NXPH1: variants seen among roughly 807,000 people sequenced by gnomAD.
The protein encoded by NXPH1 is neurexophilin 1, also known as neurexophilin-1.
In NXPH1, 5 loss-of-function variants were observed where a neutral mutation model predicts 23.7. That is an observed-to-expected ratio of 0.21 (90% CI 0.11 to 0.44). The LOEUF (loss-of-function observed/expected upper bound fraction) is 0.44. Among genes scored for constraint, NXPH1 ranks in the 20% least tolerant of loss-of-function variants. The probability of loss-of-function intolerance (pLI) is 0.99; values close to 1 mark genes in which losing one functional copy is unlikely to be tolerated. For synonymous variants in NXPH1, 144 were observed against 122.2 expected, an observed-to-expected ratio of 1.18 and a Z score of -1.18; for missense variants, 324 against 321.6, an observed-to-expected ratio of 1.01 and a Z score of -0.06.
chr7:8,548,148 C>G (rs1818224347), intron 2 of NXPH1, among the ~76,000 whole-genome samples: 1 of 151,458 alleles, frequency 6.6e-6, no homozygotes, highest in Non-Finnish European at 1.5e-5. Context: ...ATCCTCCCAC[C>G]TTTTCAGATG....
intron 2 of NXPH1, among the ~76,000 whole-genome samples, chr7:8,576,312 T>A (rs2128622907): frequency 6.6e-6 from 1 of 152,206 alleles, no homozygotes; most frequent in South Asian, 2.1e-4. Context: ...TCCATGCCCT[T>A]TGGGGTAGGA....
chr7:8,523,638 C>T (rs1000147694), intron 2 of NXPH1, among the ~76,000 whole-genome samples: 9 of 152,048 alleles, frequency 5.9e-5, no homozygotes, highest in African/African-American at 1.7e-4. Context: ...TTTCTTAAAG[C>T]GTTTGTAAAG....
At chr7:8,501,122 A>C (rs1329465487) in intron 2 of NXPH1, among the ~76,000 whole-genome samples, 3 of 151,988 alleles carry the variant, frequency 2.0e-5, no homozygotes, top group Non-Finnish European at 2.9e-5. Flanking sequence ...ACTTTGAAAA[A>C]TCTATCAGCT....
chr7:8,481,131 C>T (rs1343245738), intron 2 of NXPH1, among the ~76,000 whole-genome samples: 2 of 152,130 alleles, frequency 1.3e-5, no homozygotes. Context: ...AATTAAAGGT[C>T]TCCCTTTTCA....
At chr7:8,583,511 T>A (rs1459278894) in intron 2 of NXPH1, among the ~76,000 whole-genome samples, 1 of 152,206 alleles carries the variant, frequency 6.6e-6, no homozygotes. Context: ...ATGTTTGCTA[T>A]CATTATTATT....
chr7:8,662,665 C>T (rs990175698), intron 2 of NXPH1, among the ~76,000 whole-genome samples: 10 of 151,842 alleles, frequency 6.6e-5, no homozygotes, highest in African/African-American at 2.4e-4. Context: ...TGAGAAGTGA[C>T]GAAAGTCAGA....
intron 2 of NXPH1, among the ~76,000 whole-genome samples, chr7:8,616,219 C>CT (rs1298618341): frequency 6.6e-6 from 1 of 151,066 alleles, no homozygotes; most frequent in East Asian, 1.9e-4. Context: ...CCTTGCTGTT[C>CT]TTGCTGTTCC....
At chr7:8,641,723 A>G (rs765327867) in intron 2 of NXPH1, among the ~76,000 whole-genome samples, 2 of 152,136 alleles carry the variant, frequency 1.3e-5, no homozygotes, top group African/African-American at 4.8e-5. Context: ...TAATAGTTAC[A>G]TCTCATTTTA....
At chr7:8,629,288 A>G (rs1820070697) in intron 2 of NXPH1, among the ~76,000 whole-genome samples, 1 of 152,100 alleles carries the variant, frequency 6.6e-6, no homozygotes, top group South Asian at 2.1e-4. Flanking sequence ...TTTATAGTGA[A>G]GAGTTTTGAA....
At chr7:8,619,846 C>T (rs1396699045) in intron 2 of NXPH1, among the ~76,000 whole-genome samples, 1 of 152,162 alleles carries the variant, frequency 6.6e-6, no homozygotes, top group Non-Finnish European at 1.5e-5. Context: ...ATTATTATCT[C>T]TATTTTACAA....
At chr7:8,724,492 CATTTTAAGCT>C (rs533795207) in intron 2 of NXPH1, among the ~76,000 whole-genome samples, 8 of 152,022 alleles carry the variant, frequency 5.3e-5, no homozygotes, top group Non-Finnish European at 8.8e-5. Flanking sequence ...ATGAGTAAGC[CATTTTAAGCT>C]ACATTAAAAG....
chr7:8,533,029 C>T (rs916415991), intron 2 of NXPH1, among the ~76,000 whole-genome samples: 2 of 151,924 alleles, frequency 1.3e-5, no homozygotes, highest in South Asian at 4.2e-4. Context: ...ACATGTATTC[C>T]CTCTTTTTAA....
At chr7:8,569,599 AT>A (rs1190111832) in intron 2 of NXPH1, among the ~76,000 whole-genome samples, 2 of 151,836 alleles carry the variant, frequency 1.3e-5, no homozygotes, top group African/African-American at 4.8e-5. Flanking sequence ...GTTGTAATTA[AT>A]TTTTGAAGCT....
intron 2 of NXPH1, among the ~76,000 whole-genome samples, chr7:8,695,631 G>T (rs1200486636): frequency 6.6e-6 from 1 of 152,048 alleles, no homozygotes; most frequent in Non-Finnish European, 1.5e-5. Context: ...AGGAATTTTG[G>T]ATATTTCTTG....
chr7:8,480,170 G>T (rs1007197458), intron 2 of NXPH1, among the ~76,000 whole-genome samples: 3 of 151,962 alleles, frequency 2.0e-5, no homozygotes, highest in African/African-American at 4.8e-5. Context: ...TATAGGTGGT[G>T]GTTGCAGGAA....
At chr7:8,625,877 T>C (rs1819976671) in intron 2 of NXPH1, among the ~76,000 whole-genome samples, 1 of 152,164 alleles carries the variant, frequency 6.6e-6, no homozygotes, top group Non-Finnish European at 1.5e-5. Context: ...ATTAGATAAA[T>C]GGCATAATGG....
intron 2 of NXPH1, among the ~76,000 whole-genome samples, chr7:8,733,047 G>C (rs866985303): frequency 1.3e-5 from 2 of 151,304 alleles, no homozygotes; most frequent in African/African-American, 4.9e-5. Flanking sequence ...TACCTGACAG[G>C]CCCCCTGTGT....
chr7:8,651,662 A>T (rs1015464867), intron 2 of NXPH1, among the ~76,000 whole-genome samples: 10 of 152,164 alleles, frequency 6.6e-5, no homozygotes, highest in Admixed American at 6.5e-4. Context: ...ATTCAGATTT[A>T]ATTTAAGCCT....
At chr7:8,452,787 A>G (rs1816529748) in intron 2 of NXPH1, among the ~76,000 whole-genome samples, 1 of 152,162 alleles carries the variant, frequency 6.6e-6, no homozygotes, top group Admixed American at 6.6e-5. Flanking sequence ...AGTATTAAAA[A>G]GAATGGGGGG....
Sources: allele counts gnomAD v4.1 joint callset (sites outside exome capture counted in the v4.1 genomes callset), GRCh38; gene constraint gnomAD v4.1.1; transcripts MANE v1.5; gene names NCBI Gene and HGNC (gene_info 2026-07-23, HGNC 2026-07-21).